Variants in SLIT3 observed in about 807,000 individuals in gnomAD.
SLIT3 encodes the protein slit guidance ligand 3, also known as slit homolog 3 protein.
Under a neutral mutation model 184.0 loss-of-function variants are expected in SLIT3, and 68 were observed. That is an observed-to-expected ratio of 0.37 (90% CI 0.30 to 0.45). The LOEUF (loss-of-function observed/expected upper bound fraction) is 0.45. SLIT3 is among the 20% of genes least tolerant of loss of function. The pLI, the probability that SLIT3 is intolerant of heterozygous loss-of-function variation, is 1.00. For missense variants in SLIT3, 1,707 were observed against 2,026.0 expected (o/e 0.84, Z 3.02); for synonymous variants, 831 against 828.6 (o/e 1.00, Z -0.05).
At chr5:169,085,231 TG>T (rs1353260763) in intron 4 of SLIT3, among the ~76,000 whole-genome samples, 1 of 152,178 alleles carries the variant, frequency 6.6e-6, no homozygotes, top group Non-Finnish European at 1.5e-5. Context: ...GCAGGTCGGC[TG>T]GAAACACATG....
At chr5:169,104,172 A>G (rs890269491) in intron 4 of SLIT3, among the ~76,000 whole-genome samples, 3 of 152,192 alleles carry the variant, frequency 2.0e-5, no homozygotes, top group Middle Eastern at 3.4e-3. Flanking sequence ...AAATACCCCC[A>G]TATTTGATCT....
chr5:169,182,069 G>A (rs968541264), intron 4 of SLIT3, among the ~76,000 whole-genome samples: 1 of 152,122 alleles, frequency 6.6e-6, no homozygotes, highest in Non-Finnish European at 1.5e-5. Flanking sequence ...ATTCCACTTG[G>A]CCAACCGTGG....
intron 4 of SLIT3, among the ~76,000 whole-genome samples, chr5:169,128,045 A>G (rs1321748009): frequency 6.6e-6 from 1 of 152,064 alleles, no homozygotes; most frequent in Non-Finnish European, 1.5e-5. Context: ...TAGGTGAACT[A>G]AAGATTATTT....
intron 3 of SLIT3, among the ~76,000 whole-genome samples, chr5:169,214,596 A>T (rs987220115): frequency 5.3e-5 from 8 of 152,130 alleles, no homozygotes; most frequent in African/African-American, 1.7e-4. Context: ...AAGTGGGTGG[A>T]GTTCTTTAAC....
At chr5:168,702,333 A>G (rs760909266) in intron 26 of SLIT3, among the ~76,000 whole-genome samples, 2 of 152,324 alleles carry the variant, frequency 1.3e-5, no homozygotes, top group African/African-American at 4.8e-5. Context: ...CAGACAGGAA[A>G]GACAGACTTA....
chr5:168,695,540 G>A (rs1762033321), intron 28 of SLIT3, among the ~76,000 whole-genome samples: 1 of 152,206 alleles, frequency 6.6e-6, no homozygotes, highest in Non-Finnish European at 1.5e-5. Context: ...TCCAGTCTGG[G>A]ATACGCTACT....
rs528719712 is a variant in SLIT3 at position 169,263,656 on chromosome 5, G to C, written c.198-12197C>G. The C allele has an allele frequency of 5.9e-6, 3 of 507,884 alleles. No individual in the cohort carries two copies. The African/African-American group carries it at 6.2e-5, about 10-fold the overall frequency. 31.5% of individuals were successfully genotyped at this position (507,884 alleles called of 1,614,324 possible). Reference sequence around the variant, plus strand: ...CCCAACGTTCAGGCTTTCTCTGGGCGTATCTGTGTGCTAGGGCTGCCATAG... The same window carrying C: ...CCCAACGTTCAGGCTTTCTCTGGGCCTATCTGTGTGCTAGGGCTGCCATAG... On this transcript the variant is annotated intron_variant, in intron 1 of 35. Coordinates refer to ENST00000519560, the MANE Select transcript of SLIT3 (RefSeq NM_003062.4).
intron 4 of SLIT3, among the ~76,000 whole-genome samples, chr5:168,891,786 C>G (rs552820203): frequency 2.4e-4 from 36 of 152,344 alleles, no homozygotes; most frequent in African/African-American, 8.2e-4. Flanking sequence ...GTTACCAATA[C>G]GAGTGCCTGT....
chr5:168,792,088 T>C (rs1756396706), intron 10 of SLIT3: 1 of 152,194 alleles, frequency 6.6e-6, no homozygotes, highest in African/African-American at 2.4e-5. Flanking sequence ...ACACAGCCAT[T>C]TGGGCACAGA....
intron 4 of SLIT3, among the ~76,000 whole-genome samples, chr5:168,947,731 G>A (rs1762526997): frequency 6.6e-6 from 1 of 152,164 alleles, no homozygotes; most frequent in African/African-American, 2.4e-5. Flanking sequence ...CAAGGGCTGG[G>A]GCTGGGCAAT....
intron 20 of SLIT3, among the ~76,000 whole-genome samples, chr5:168,729,380 A>T (rs2113392887): frequency 6.6e-6 from 1 of 152,268 alleles, no homozygotes; most frequent in South Asian, 2.1e-4. Flanking sequence ...AAAGGATTTT[A>T]AAATTAGCAA....
chr5:168,926,715 AAGAAGACTTGGATAGACTTTTCTACG>A (rs1260914746), intron 4 of SLIT3, among the ~76,000 whole-genome samples: 22 of 60,656 alleles, frequency 3.6e-4, no homozygotes, highest in Non-Finnish European at 5.1e-4. Context: ...CTTTTCTACG[AAGAAGACTTGGATAGACTTTTCTACG>A]AAGAAGACAT....
intron 4 of SLIT3, among the ~76,000 whole-genome samples, chr5:168,921,796 T>C (rs1380307860): frequency 2.0e-5 from 3 of 152,222 alleles, no homozygotes; most frequent in Non-Finnish European, 4.4e-5. Flanking sequence ...GAGAACACTT[T>C]GTTTATAAAT....
At chr5:169,281,018 G>T (rs945088315) in intron 1 of SLIT3, among the ~76,000 whole-genome samples, 3 of 152,158 alleles carry the variant, frequency 2.0e-5, no homozygotes, top group Non-Finnish European at 4.4e-5. Context: ...CTGTCTCAGT[G>T]TTGGGGTCAC....
intron 4 of SLIT3, among the ~76,000 whole-genome samples, chr5:169,171,474 T>C (rs1762817215): frequency 6.6e-6 from 1 of 152,202 alleles, no homozygotes; most frequent in South Asian, 2.1e-4. Flanking sequence ...TTTGTGCTTG[T>C]GTGTTTTTCA....
At chr5:169,182,890 T>C (rs1763213494) in intron 4 of SLIT3, among the ~76,000 whole-genome samples, 1 of 152,198 alleles carries the variant, frequency 6.6e-6, no homozygotes, top group African/African-American at 2.4e-5. Context: ...TGAGTACCCT[T>C]GGTGATGCCA....
intron 4 of SLIT3, among the ~76,000 whole-genome samples, chr5:168,995,290 G>C (rs555282201): frequency 1.3e-5 from 2 of 152,326 alleles, no homozygotes; most frequent in South Asian, 2.1e-4. Context: ...GTCTACAAAG[G>C]GGGTAGTGTG....
intron 4 of SLIT3, among the ~76,000 whole-genome samples, chr5:169,008,443 C>A (rs1295159777): frequency 6.6e-6 from 1 of 152,146 alleles, no homozygotes; most frequent in East Asian, 1.9e-4. Flanking sequence ...ATAGCAATAG[C>A]TAGAGCTGGC....
chr5:168,843,867 C>T lies in SLIT3; in HGVS notation c.557+717G>A, dbSNP rs528288831. ...GGAGTTAGGTTTTCTTAGTTAGACT[C>T]ATTTGAAAATCCAGAGCTCAGAAAG... On this transcript the variant is annotated intron_variant, in intron 6 of 35. Transcript: ENST00000519560. Among the ~76,000 whole-genome samples the T allele has an allele frequency of 2.6e-5, 4 of 152,282 alleles. No homozygotes were observed. In the South Asian group the frequency reaches 8.3e-4, roughly 32 times the overall value.
Sources: gnomAD v4.1 joint callset for allele counts (sites outside exome capture counted in the v4.1 genomes callset) on GRCh38, gnomAD v4.1.1 for gene constraint, MANE v1.5 for transcripts, NCBI Gene and HGNC (gene_info 2026-07-23, HGNC 2026-07-21) for gene names.